The following LLGL2 variants were observed in gnomAD, a reference collection of about 807,000 sequenced individuals.
The protein encoded by LLGL2 is LLGL2, scribble cell polarity complex component.
LLGL2 carries 81 observed loss-of-function variants against 123.2 expected under a neutral mutation model. That is an observed-to-expected ratio of 0.66 (90% CI 0.55 to 0.79). The LOEUF (loss-of-function observed/expected upper bound fraction) is 0.79. Ranked by LOEUF, LLGL2 falls within the 30% of genes least tolerant of loss-of-function variation. The probability of loss-of-function intolerance (pLI) is 0.00; values close to 1 mark genes in which losing one functional copy is unlikely to be tolerated. For synonymous variants in LLGL2, 577 were observed against 594.1 expected (o/e 0.97, Z 0.42); for missense variants, 1,273 against 1,414.6 (o/e 0.90, Z 1.61).
In LLGL2 at chr17:75,544,666, G is replaced by A. The variant is rs183429913; in HGVS notation, c.75+1165G>A. On this transcript the variant is annotated intron_variant, in intron 2 of 25. Coordinates refer to ENST00000392550, the MANE Select transcript of LLGL2 (RefSeq NM_001031803.2). This position sits in a 1 kb window ranked among gnomAD's most constrained non-coding sequence, Gnocchi z 4.2. Reference sequence around the variant, plus strand: ...CTGCTGTGGGCTGGAGGGGATCTCCGTGACCTCCCTGTTGGGAGAGGTGGG... The same window carrying A: ...CTGCTGTGGGCTGGAGGGGATCTCCATGACCTCCCTGTTGGGAGAGGTGGG... Among the ~76,000 whole-genome samples, 25 of 152,222 alleles carry A rather than the reference G, an allele frequency of 1.6e-4. No individual in the cohort carries two copies. Among genetic ancestry groups the A allele is most frequent in the African/African-American group, 5.8e-4 (24 of 41,532 alleles).
chr17:75,563,892 G>T, intron 9 of LLGL2, 86 bp downstream of exon 9: 1 of 1,364,222 alleles, frequency 7.3e-7, no homozygotes, highest in Non-Finnish European at 1.0e-6. Context: ...TGGGAAGTTG[G>T]TGCCAGTGAA....
At position 75,574,730 on chromosome 17, in the gene LLGL2, C is replaced by T. The variant is rs563763065; in HGVS notation, c.3055+62C>T. The T allele has an allele frequency of 2.8e-5, 44 of 1,596,248 alleles. 1 individual carries two copies. The South Asian group carries it at 4.5e-4, about 16-fold the overall frequency. ...GCTGGGAAGGGCTGGGAGGAAGAGCCCCGGCCCCACTCCCCTGGGTCCCAC... is the reference window on the plus strand; with the variant it reads ...GCTGGGAAGGGCTGGGAGGAAGAGCTCCGGCCCCACTCCCCTGGGTCCCAC... On this transcript the variant is annotated intron_variant, in intron 25 of 25. Coordinates refer to ENST00000392550, the MANE Select transcript of LLGL2 (RefSeq NM_001031803.2).
rs938173770 is a variant in LLGL2, at chr17:75,575,066, G to A, written c.*188G>A. The A allele has an allele frequency of 2.0e-5, 15 of 744,620 alleles. No individual in the cohort carries two copies. The highest frequency in any genetic ancestry group is 8.5e-5 in the Admixed American group (4 of 47,210). The allele number at this position is 744,620 out of a possible 1,614,324, so 46.1% of individuals were successfully genotyped here. A position where few individuals can be genotyped will look rare whatever the true frequency, so the allele number is the denominator to read the frequency against. ...CCCAGTCCCCTGGGCTGCCCTTCCCGGGCCTCGTCTGTCTGGGTCCTTTGG... is the reference window on the plus strand; with the variant it reads ...CCCAGTCCCCTGGGCTGCCCTTCCCAGGCCTCGTCTGTCTGGGTCCTTTGG... On this transcript the variant is annotated 3_prime_UTR_variant, in exon 26 of 26. Coordinates refer to ENST00000392550, the MANE Select transcript of LLGL2 (RefSeq NM_001031803.2).
intron 2 of LLGL2, among the ~76,000 whole-genome samples, chr17:75,555,637 C>T (rs1275862959): frequency 6.6e-6 from 1 of 152,132 alleles, no homozygotes; most frequent in East Asian, 1.9e-4. Context: ...TGCGGTGCAA[C>T]CAAGATTTTC....
chr17:75,539,315 C>G (rs2054121382), intron 1 of LLGL2, among the ~76,000 whole-genome samples: 1 of 152,164 alleles, frequency 6.6e-6, no homozygotes, highest in South Asian at 2.1e-4. Flanking sequence ...CCCACCGTAG[C>G]CTCCCAAAGT....
At chr17:75,536,027 CT>C (rs2053987883) in intron 1 of LLGL2, among the ~76,000 whole-genome samples, 1 of 152,186 alleles carries the variant, frequency 6.6e-6, no homozygotes, top group African/African-American at 2.4e-5. Flanking sequence ...GGCAGCAAGC[CT>C]TTTGCGGCCC....
At chr17:75,557,231 C>A (rs757873146) in intron 3 of LLGL2, among the ~76,000 whole-genome samples, 5 of 151,990 alleles carry the variant, frequency 3.3e-5, no homozygotes, top group Non-Finnish European at 7.4e-5. Flanking sequence ...GTGGACTGGC[C>A]CCAGGGCCCT....
At chr17:75,553,954 A>C (rs948513376) in intron 2 of LLGL2, among the ~76,000 whole-genome samples, 2 of 152,140 alleles carry the variant, frequency 1.3e-5, no homozygotes, top group African/African-American at 4.8e-5. Flanking sequence ...CTCAACAATA[A>C]ACCTCTGGTG....
chr17:75,541,113 C>T (rs751437045), intron 1 of LLGL2, among the ~76,000 whole-genome samples: 1 of 152,306 alleles, frequency 6.6e-6, no homozygotes, highest in Non-Finnish European at 1.5e-5. Context: ...GATGCCATTG[C>T]TACACCCTGT....
chr17:75,541,340 C>T (rs1001383642), intron 1 of LLGL2, among the ~76,000 whole-genome samples: 2 of 152,368 alleles, frequency 1.3e-5, no homozygotes, highest in Middle Eastern at 3.4e-3. Context: ...GTGAGCCCTC[C>T]AGGAGTCCAA....
intron 2 of LLGL2, among the ~76,000 whole-genome samples, chr17:75,554,994 C>T (rs559591851): frequency 6.0e-5 from 9 of 150,118 alleles, no homozygotes; most frequent in Middle Eastern, 3.6e-3. Flanking sequence ...GATAGAGACA[C>T]GGTGAAACCT....
intron 3 of LLGL2, among the ~76,000 whole-genome samples, chr17:75,557,034 CTTTTTTTTTTTTT>C (rs55649536): frequency 3.5e-4 from 38 of 109,854 alleles, no homozygotes; most frequent in Middle Eastern, 0.01. Context: ...GTCTCAAAAA[CTTTTTTTTTTTTT>C]TTTTTTTTTT....
rs936807828 is a variant in LLGL2 at position 75,558,068 on chromosome 17, A to G, written c.174-87A>G. 1.6e-6 allele frequency: 2 copies of G among 1,269,028 alleles called. No homozygotes were observed. Among genetic ancestry groups the G allele is most frequent in the African/African-American group, 2.9e-5 (2 of 68,254 alleles). The allele number at this position is 1,269,028 out of a possible 1,614,324, so 78.6% of individuals were successfully genotyped here. On this transcript the variant is annotated intron_variant, in intron 3 of 25. Coordinates refer to ENST00000392550, the MANE Select transcript of LLGL2 (RefSeq NM_001031803.2). The surrounding 1 kb of genome is among the most constrained non-coding windows in gnomAD (Gnocchi z 4.0). The stretch of plus-strand genomic sequence containing the variant: ...GGCAGCCCCTCTCTGTGTTTGCATC[A>G]TTGCACATGGGCCCCGAGGGCCTGG...
At position 75,563,192 on chromosome 17, in the gene LLGL2, A is replaced by G. The variant is rs762395658; in HGVS notation, c.693+14A>G. On this transcript the variant is annotated intron_variant, in intron 7 of 25. Transcript: ENST00000392550. ...CTCAGCAGCCAGGTAGGCAGTGCCC[A>G]GGACATGGCAGGCGCCATGTTGCTC... 6.2e-7 allele frequency: 1 copy of G among 1,612,386 alleles called. No individual in the cohort carries two copies. The highest frequency in any genetic ancestry group is 8.5e-7 in the Non-Finnish European group (1 of 1,179,606).
At chr17:75,527,030 A>G (rs577360690) in intron 1 of LLGL2, among the ~76,000 whole-genome samples, 1 of 151,158 alleles carries the variant, frequency 6.6e-6, no homozygotes, top group Non-Finnish European at 1.5e-5. Flanking sequence ...TTAGCCAGGC[A>G]TGGTGGCGTG....
intron 6 of LLGL2, among the ~76,000 whole-genome samples, chr17:75,561,724 C>G (rs371950118): frequency 9.6e-4 from 146 of 152,218 alleles, no homozygotes; most frequent in African/African-American, 3.5e-3. Context: ...AGTTCGAGAC[C>G]AGCTTGGGCA....
chr17:75,550,038 G>A (rs1464254304), intron 2 of LLGL2, among the ~76,000 whole-genome samples: 1 of 152,234 alleles, frequency 6.6e-6, no homozygotes, highest in Non-Finnish European at 1.5e-5. Context: ...TCAGATGTGG[G>A]CGGGGCCGGG....
chr17:75,569,380 A>T lies in LLGL2; in HGVS notation c.1581+55A>T, dbSNP rs1046462243. On this transcript the variant is annotated intron_variant, in intron 14 of 25. Coordinates refer to ENST00000392550, the MANE Select transcript of LLGL2 (RefSeq NM_001031803.2). The stretch of plus-strand genomic sequence containing the variant: ...GGGGAGGAGTGGTCGATGACTGGGG[A>T]CAGCAGGGACAGGAGCCAACCACCT... 7.5e-5 allele frequency: 106 copies of T among 1,410,552 alleles called. No individual in the cohort carries two copies. The African/African-American group carries it at 1.5e-3, about 20-fold the overall frequency. 87.4% of individuals were successfully genotyped at this position (1,410,552 alleles called of 1,614,324 possible). A position where few individuals can be genotyped will look rare whatever the true frequency, so the allele number is the denominator to read the frequency against.
At position 75,574,089 on chromosome 17, in the gene LLGL2, A is replaced by G. The variant is rs145168317; in HGVS notation, c.2905+109A>G. The G allele has an allele frequency of 3.1e-4, 486 of 1,547,822 alleles. 1 individual carries two copies. The African/African-American group carries it at 5.5e-3, about 18-fold the overall frequency. On this transcript the variant is annotated intron_variant, in intron 22 of 25. Transcript: ENST00000392550. ...TGAGCAGGTAGTGTTTGGGCTGGGAATAGAGACGGCATTCCTTCCAGCCCT... is the reference window on the plus strand; with the variant it reads ...TGAGCAGGTAGTGTTTGGGCTGGGAGTAGAGACGGCATTCCTTCCAGCCCT...
Sources: allele counts gnomAD v4.1 joint callset (sites outside exome capture counted in the v4.1 genomes callset), GRCh38; gene constraint gnomAD v4.1.1; non-coding constraint Gnocchi (gnomAD v3.1); transcripts MANE v1.5; gene names NCBI Gene and HGNC (gene_info 2026-07-23, HGNC 2026-07-21).